The following LINGO2 variants were observed in gnomAD, a reference collection of about 807,000 sequenced individuals.
LINGO2 encodes the protein leucine-rich repeat and immunoglobulin-like domain-containing nogo receptor-interacting protein 2.
LINGO2 carries 14 observed loss-of-function variants against 30.6 expected under a neutral mutation model. The observed-to-expected ratio is 0.46, with a 90% CI of 0.30 to 0.72. The LOEUF is 0.72. Ranked by LOEUF, LINGO2 falls within the 30% of genes least tolerant of loss-of-function variation. LINGO2 has a pLI of 0.07. For synonymous variants in LINGO2, 317 were observed against 288.5 expected, an observed-to-expected ratio of 1.10 and a Z score of -1.00; for missense variants, 729 against 751.7, an observed-to-expected ratio of 0.97 and a Z score of 0.35.
chr9:29,045,769 C>T, the LINGO2 span, among the ~76,000 whole-genome samples: 2 of 152,104 alleles, frequency 1.3e-5, no homozygotes, highest in African/African-American at 2.4e-5. Flanking sequence ...TTCTTTCTAT[C>T]CATAAGCATA....
the LINGO2 span, among the ~76,000 whole-genome samples, chr9:28,949,269 G>T: frequency 6.6e-6 from 1 of 152,070 alleles, no homozygotes; most frequent in Non-Finnish European, 1.5e-5. Flanking sequence ...GACCAGAACT[G>T]AAGGAGATAG....
chr9:28,382,886 T>G (rs1220692290), intron 2 of LINGO2, among the ~76,000 whole-genome samples: 3 of 152,090 alleles, frequency 2.0e-5, no homozygotes, highest in Non-Finnish European at 4.4e-5. Flanking sequence ...CTTGATACAT[T>G]GAGATCACTA....
the LINGO2 span, among the ~76,000 whole-genome samples, chr9:28,905,136 G>A: frequency 6.6e-6 from 1 of 151,856 alleles, no homozygotes; most frequent in African/African-American, 2.4e-5. Context: ...TCAAAATGGA[G>A]TAAAGATTTT....
intron 1 of LINGO2, among the ~76,000 whole-genome samples, chr9:28,500,106 C>T (rs10968623): frequency 0.16 from 23,789 of 152,082 alleles, 2,034 homozygotes; most frequent in South Asian, 0.21. Flanking sequence ...TTGGCTGATG[C>T]TGAATCTTTT....
chr9:29,178,965 A>T, the LINGO2 span, among the ~76,000 whole-genome samples: 4 of 151,170 alleles, frequency 2.6e-5, no homozygotes, highest in Non-Finnish European at 4.4e-5. Flanking sequence ...CATCTCTAAA[A>T]TAATTAATTA....
At chr9:28,888,835 T>C in the LINGO2 span, 49 of 530,876 alleles carry the variant, frequency 9.2e-5, no homozygotes, top group South Asian at 4.8e-4. Flanking sequence ...GTACCAGCCA[T>C]AAAATGTTGT....
chr9:28,572,741 G>A (rs537549037), intron 1 of LINGO2, among the ~76,000 whole-genome samples: 1 of 152,210 alleles, frequency 6.6e-6, no homozygotes, highest in Admixed American at 6.5e-5. Context: ...ACAGCTTCCA[G>A]ACAACTACTC....
intron 1 of LINGO2, among the ~76,000 whole-genome samples, chr9:28,513,084 TACACACACACACACACACAC>T (rs57773955): frequency 6.8e-6 from 1 of 146,648 alleles, no homozygotes; most frequent in Admixed American, 6.8e-5. Flanking sequence ...TTAACCATCA[TACACACACACACACACACAC>T]ACACACACAC....
chr9:29,012,506 C>G, the LINGO2 span, among the ~76,000 whole-genome samples: 2 of 152,166 alleles, frequency 1.3e-5, no homozygotes, highest in Non-Finnish European at 2.9e-5. Context: ...TACAGCAGAA[C>G]CGTTCTCACT....
At chr9:28,590,355 A>T (rs1183967258) in intron 1 of LINGO2, among the ~76,000 whole-genome samples, 2 of 152,184 alleles carry the variant, frequency 1.3e-5, no homozygotes, top group African/African-American at 4.8e-5. Flanking sequence ...AACTACCATC[A>T]GAGTGAACAG....
chr9:28,521,863 G>A (rs898671874), intron 1 of LINGO2, among the ~76,000 whole-genome samples: 2 of 152,136 alleles, frequency 1.3e-5, no homozygotes, highest in African/African-American at 4.8e-5. Flanking sequence ...AGTAAAAACA[G>A]CCATGTGAAG....
At chr9:28,512,610 T>TAG (rs1820446515) in intron 1 of LINGO2, among the ~76,000 whole-genome samples, 1 of 4,290 alleles carries the variant, frequency 2.3e-4, no homozygotes, top group African/African-American at 3.0e-4. Flanking sequence ...TATATATATA[T>TAG]ATATATATAT....
chr9:28,632,813 CTATA>C (rs71338344), intron 1 of LINGO2, among the ~76,000 whole-genome samples: 1 of 96,406 alleles, frequency 1.0e-5, no homozygotes, highest in Non-Finnish European at 2.0e-5. Context: ...TATAGATGAT[CTATA>C]TATATTATAT....
intron 4 of LINGO2, among the ~76,000 whole-genome samples, chr9:28,292,109 T>A (rs1016327692): frequency 3.3e-5 from 5 of 152,224 alleles, no homozygotes; most frequent in Non-Finnish European, 7.3e-5. Context: ...GTGAGTTATC[T>A]GCATCATTTG....
rs148460600 is a variant in LINGO2 at position 28,001,074 on chromosome 9, C to T, written c.-36+11281G>A. ...TCATCTGTTTGGGATCTATAATCAC[C>T]ATCAATGTGTTTTCACACATTTTTA... On this transcript the variant is annotated intron_variant, in intron 5 of 5. Transcript: ENST00000379992. Among the ~76,000 whole-genome samples, 51 of 152,330 alleles carry T rather than the reference C, an allele frequency of 3.3e-4. 1 individual carries two copies. Among genetic ancestry groups the T allele is most frequent in the African/African-American group, 9.9e-4 (41 of 41,578 alleles).
At chr9:28,610,380 T>C (rs1410500138) in intron 1 of LINGO2, among the ~76,000 whole-genome samples, 3 of 152,152 alleles carry the variant, frequency 2.0e-5, no homozygotes, top group Non-Finnish European at 4.4e-5. Context: ...CATGGGCACA[T>C]ATTTCTATGG....
At chr9:28,633,996 G>T (rs1827126675) in intron 1 of LINGO2, among the ~76,000 whole-genome samples, 1 of 152,100 alleles carries the variant, frequency 6.6e-6, no homozygotes, top group Non-Finnish European at 1.5e-5. Flanking sequence ...TTCTTAGAGC[G>T]TGGTTTGTTA....
the LINGO2 span, among the ~76,000 whole-genome samples, chr9:28,768,439 G>C: frequency 6.6e-6 from 1 of 152,110 alleles, no homozygotes; most frequent in East Asian, 1.9e-4. Context: ...GTAGCAGACT[G>C]TTCCAGGGTT....
intron 4 of LINGO2, among the ~76,000 whole-genome samples, chr9:28,098,366 C>A (rs531837666): frequency 6.6e-6 from 1 of 152,108 alleles, no homozygotes; most frequent in South Asian, 2.1e-4. Flanking sequence ...TTGAATTTTA[C>A]GTTTTAATGG....
Sources: gnomAD v4.1 joint callset for allele counts (sites outside exome capture counted in the v4.1 genomes callset) on GRCh38, gnomAD v4.1.1 for gene constraint, MANE v1.5 for transcripts, NCBI Gene and HGNC (gene_info 2026-07-23, HGNC 2026-07-21) for gene names.